Variants in SGSM2 observed in about 807,000 individuals in gnomAD.
SGSM2 encodes the protein small G protein signaling modulator 2.
In SGSM2, 89 loss-of-function variants were observed where a neutral mutation model predicts 126.6. The ratio of observed to expected loss-of-function variants is 0.70; its 90% CI spans 0.59 to 0.84. SGSM2 has a LOEUF of 0.84. Ranked by LOEUF, SGSM2 falls within the 40% of genes least tolerant of loss-of-function variation. The pLI, the probability that SGSM2 is intolerant of heterozygous loss-of-function variation, is 0.00. For synonymous variants in SGSM2, 614 were observed against 574.3 expected (o/e 1.07, Z -0.99); for missense variants, 1,404 against 1,416.6 (o/e 0.99, Z 0.14).
rs1268423261 is a variant in SGSM2 at position 2,372,918 on chromosome 17, G to A, written c.1789-35G>A. On this transcript the variant is annotated intron_variant, in intron 15 of 23. Transcript: ENST00000268989. This position sits in a 1 kb window ranked among gnomAD's most constrained non-coding sequence, Gnocchi z 6.0. ...ACCCAGCTGGGCCACGGTGACTGTG[G>A]AGGCTGCACAGTCTTGACTCCCCGG... The A allele has an allele frequency of 1.3e-6, 2 of 1,550,276 alleles. No individual in the cohort carries two copies. The highest frequency in any genetic ancestry group is 8.7e-7 in the Non-Finnish European group (1 of 1,146,110).
rs141360605 is a variant in SGSM2 at position 2,372,441 on chromosome 17, G to A, written c.1741G>A (p.Ala581Thr). Residue 581 changes from alanine to threonine, a missense_variant, in exon 15 of 24, where the codon GCG becomes ACG. Coordinates refer to ENST00000268989, the MANE Select transcript of SGSM2 (RefSeq NM_014853.3). This position sits in a 1 kb window ranked among gnomAD's most constrained non-coding sequence, Gnocchi z 6.0. ...ACCTGACCGGCCCCCGGGGGCCTCCGCGGGCCTCACCAAGGACGTGTGGAG... is the reference window on the plus strand; with the variant it reads ...ACCTGACCGGCCCCCGGGGGCCTCCACGGGCCTCACCAAGGACGTGTGGAG... The part of the protein sequence containing the change: ...IPPDRPPGAS[A>T]GLTKDVWSKY... The A allele has an allele frequency of 3.6e-5, 57 of 1,600,418 alleles. No homozygotes were observed. The highest frequency in any genetic ancestry group is 3.4e-4 in the Middle Eastern group (2 of 5,876).
At chr17:2,376,886 A>C (rs1035122306) in intron 20 of SGSM2, 71 bp downstream of exon 20, 18 of 1,598,628 alleles carry the variant, frequency 1.1e-5, no homozygotes, top group Non-Finnish European at 1.5e-5. Context: ...CCAGGTCTGG[A>C]GGGGTGGGAA....
Position 2,363,556 on chromosome 17 carries a change from G to C in SGSM2, c.764G>C (p.Arg255Pro). 1 of 1,613,476 alleles carries C rather than the reference G, an allele frequency of 6.2e-7. No homozygotes were observed. Reference protein sequence around the residue: ...ECVESLHQNSRTRLLYGKNHV... With the variant: ...ECVESLHQNSPTRLLYGKNHV... ...GTGGAGTCCCTGCACCAGAACTCACGGACGCGGCTGCTCTATGGCAAGAAC... is the reference window on the plus strand; with the variant it reads ...GTGGAGTCCCTGCACCAGAACTCACCGACGCGGCTGCTCTATGGCAAGAAC... The change falls in exon 7 of 24, where the codon CGG becomes CCG. Residue 255 changes from arginine to proline, a missense_variant. Arg to Pro is a moderately radical substitution (Grantham distance 103). Coordinates refer to ENST00000268989, the MANE Select transcript of SGSM2 (RefSeq NM_014853.3). The surrounding 1 kb of genome is among the most constrained non-coding windows in gnomAD (Gnocchi z 4.2).
Position 2,379,692 on chromosome 17 carries a change from A to G in SGSM2, c.*172A>G, listed in dbSNP as rs1028820433. Reference sequence around the variant, plus strand: ...CAGTGCTGACCCTGCAGGGCAAGTCAGGGGCCAGGATGCCCTCGGATCAGG... The same window carrying G: ...CAGTGCTGACCCTGCAGGGCAAGTCGGGGGCCAGGATGCCCTCGGATCAGG... On this transcript the variant is annotated 3_prime_UTR_variant, in exon 24 of 24. Transcript: ENST00000268989. The G allele has an allele frequency of 4.9e-6, 7 of 1,424,610 alleles. No individual in the cohort carries two copies. The South Asian group carries it at 7.4e-5, about 15-fold the overall frequency. The allele number at this position is 1,424,610 out of a possible 1,614,324, so 88.2% of individuals were successfully genotyped here. A position where few individuals can be genotyped will look rare whatever the true frequency, so the allele number is the denominator to read the frequency against.
Position 2,375,596 on chromosome 17 carries a change from C to A in SGSM2, c.2205C>A (p.Ala735=). The stretch of plus-strand genomic sequence containing the variant: ...CAGGACCCGGGACTCCGGGCACCGC[C>A]GTGGTGGAGCAGCAGCATTCCGTGG... ...QEAGPGTPGT[A]VVEQQHSVEF... Residue 735 remains alanine (A), a synonymous_variant, in exon 18 of 24, where the codon GCC becomes GCA. Transcript: ENST00000268989. The A allele has an allele frequency of 6.2e-7, 1 of 1,613,940 alleles. No individual in the cohort carries two copies. Among genetic ancestry groups the A allele is most frequent in the East Asian group, 2.2e-5 (1 of 44,878 alleles).
At position 2,363,867 on chromosome 17, in the gene SGSM2, GAGTC is replaced by G. The variant is rs1325069798; in HGVS notation, c.808-188_808-185del. ...TGGCATCCAGGAGGCTGGCAGGAGA[GAGTC>G]AGTGGCACCAGGCTGACCAGGGAAA... On this transcript the variant is annotated intron_variant, in intron 7 of 23. Transcript: ENST00000268989. The surrounding 1 kb of genome is among the most constrained non-coding windows in gnomAD (Gnocchi z 4.2). 3.8e-6 allele frequency: 3 copies of G among 789,094 alleles called. No homozygotes were observed. Among genetic ancestry groups the G allele is most frequent in the Non-Finnish European group, 6.0e-6 (3 of 502,478 alleles). 48.9% of individuals were successfully genotyped at this position (789,094 alleles called of 1,614,324 possible).
At chr17:2,365,848 C>T (rs1372380521) in intron 11 of SGSM2, among the ~76,000 whole-genome samples, 3 of 151,046 alleles carry the variant, frequency 2.0e-5, no homozygotes, top group Non-Finnish European at 4.4e-5. Flanking sequence ...TGGGTTCAAG[C>T]GATCCTCCTA....
In SGSM2 at chr17:2,376,248, G is replaced by T. The variant is rs780346062; in HGVS notation, c.2596G>T (p.Asp866Tyr). ...GCCCCCCAACCTCGAGAGGCTCAGAGACGTCATGTGCAGGTGCCTTGTGGG... is the reference window on the plus strand; with the variant it reads ...GCCCCCCAACCTCGAGAGGCTCAGATACGTCATGTGCAGGTGCCTTGTGGG... Reference protein sequence around the residue: ...FTPPNLERLRDVMCSYVWEHL... With the variant: ...FTPPNLERLRYVMCSYVWEHL... Residue 866 changes from aspartate (D) to tyrosine (Y), a missense_variant, in exon 19 of 24, where the codon GAC becomes TAC. Asp to Tyr is a radical substitution (Grantham distance 160). Transcript: ENST00000268989. The T allele has an allele frequency of 6.2e-7, 1 of 1,613,806 alleles. No individual in the cohort carries two copies. Among genetic ancestry groups the T allele is most frequent in the Admixed American group, 1.7e-5 (1 of 60,022 alleles).
rs570950570 is a variant in SGSM2, at chr17:2,362,660, G to A, written c.459-178G>A. 6.6e-5 allele frequency among the ~76,000 whole-genome samples: 10 copies of A among 152,262 alleles called. No individual in the cohort carries two copies. In the South Asian group the frequency reaches 1.0e-3, roughly 16 times the overall value. On this transcript the variant is annotated intron_variant, in intron 4 of 23. Transcript: ENST00000268989. The surrounding 1 kb of genome is among the most constrained non-coding windows in gnomAD (Gnocchi z 4.9). ...AACCCTCCATCTCCCCGTCCCCTTC[G>A]GTGCCCTCAAGGCATTGGCCATACC...
chr17:2,340,820 G>A (rs552701512), intron 1 of SGSM2, among the ~76,000 whole-genome samples: 29 of 152,090 alleles, frequency 1.9e-4, no homozygotes, highest in Non-Finnish European at 3.8e-4. Context: ...TCCTGACCTC[G>A]TGATCCGCCC....
chr17:2,364,741 G>T, intron 9 of SGSM2, 78 bp downstream of exon 9: 4 of 1,573,276 alleles, frequency 2.5e-6, no homozygotes, highest in Non-Finnish European at 2.6e-6. Flanking sequence ...CGTGGGGCCT[G>T]TAAGACTCCT....
chr17:2,369,366 G>T (rs2065750562), intron 12 of SGSM2, among the ~76,000 whole-genome samples: 1 of 152,076 alleles, frequency 6.6e-6, no homozygotes, highest in African/African-American at 2.4e-5. Flanking sequence ...TTCTGCTCCA[G>T]GCCAGGCACC....
At position 2,380,495 on chromosome 17, in the gene SGSM2, C is replaced by T. The variant is rs529408974; in HGVS notation, c.*975C>T. 1.1e-4 allele frequency: 68 copies of T among 634,354 alleles called. No individual in the cohort carries two copies. The highest frequency in any genetic ancestry group is 9.7e-4 in the African/African-American group (54 of 55,386). The allele number at this position is 634,354 out of a possible 1,614,324, so 39.3% of individuals were successfully genotyped here. A position where few individuals can be genotyped will look rare whatever the true frequency, so the allele number is the denominator to read the frequency against. On this transcript the variant is annotated 3_prime_UTR_variant, in exon 24 of 24. Coordinates refer to ENST00000268989, the MANE Select transcript of SGSM2 (RefSeq NM_014853.3). ...GCAGGGGATGCATGGGTGTCCCCAT[C>T]TGTCCCTGGTGAGAAGCAAGGCTAG...
chr17:2,341,147 A>G (rs1426923669), intron 1 of SGSM2, among the ~76,000 whole-genome samples: 1 of 151,732 alleles, frequency 6.6e-6, no homozygotes, highest in South Asian at 2.1e-4. Flanking sequence ...TTTTTTTGAG[A>G]TAGAGTTTCA....
intron 2 of SGSM2, among the ~76,000 whole-genome samples, chr17:2,355,436 TG>T (rs1238440737): frequency 4.2e-5 from 1 of 24,020 alleles, no homozygotes; most frequent in African/African-American, 1.3e-4. Flanking sequence ...GTGTAAGAGT[TG>T]GGGGAAGGGA....
At chr17:2,373,105 GGCT>G (rs1436352914) in intron 16 of SGSM2, 24 bp downstream of exon 16, 1 of 1,591,594 alleles carries the variant, frequency 6.3e-7, no homozygotes, top group Non-Finnish European at 8.5e-7. Context: ...GTTCCCATGG[GGCT>G]GATGAGATGG....
chr17:2,352,789 T>C (rs1263919833), intron 2 of SGSM2, among the ~76,000 whole-genome samples: 1 of 124,952 alleles, frequency 8.0e-6, no homozygotes, highest in African/African-American at 3.7e-5. Context: ...TTTTTTTTTT[T>C]TTTTTTGAGA....
At chr17:2,361,849 G>A (rs769121420) in intron 3 of SGSM2, 50 bp downstream of exon 3, 6 of 1,543,036 alleles carry the variant, frequency 3.9e-6, no homozygotes, top group Non-Finnish European at 3.5e-6. Flanking sequence ...CTTCCCACTT[G>A]GCAATTGCTA....
rs536200061 is a variant in SGSM2, at chr17:2,376,778, C to T, written c.2655C>T (p.Cys885=). The T allele has an allele frequency of 3.2e-5, 52 of 1,614,042 alleles. No homozygotes were observed. The South Asian group carries it at 4.3e-4, about 13-fold the overall frequency. Residue 885 remains cysteine, a synonymous_variant, in exon 20 of 24, where the codon TGC becomes TGT. Transcript: ENST00000268989. ...HLDVGYVQGM[C]DLLAPLLVTL... ...ACGTGGGCTATGTGCAGGGCATGTG[C>T]GATCTGCTGGCGCCTCTCCTGGTCA...
Sources: allele counts gnomAD v4.1 joint callset (sites outside exome capture counted in the v4.1 genomes callset), GRCh38; gene constraint gnomAD v4.1.1; non-coding constraint Gnocchi (gnomAD v3.1); transcripts MANE v1.5; gene names NCBI Gene and HGNC (gene_info 2026-07-23, HGNC 2026-07-21).